RYR2: variants seen among roughly 807,000 people sequenced by gnomAD.
RYR2 encodes cardiac muscle ryanodine receptor-calcium release channel.
Under a neutral mutation model 601.1 loss-of-function variants are expected in RYR2, and 227 were observed. The ratio of observed to expected loss-of-function variants is 0.38; its 90% confidence interval spans 0.34 to 0.42. The LOEUF (loss-of-function observed/expected upper bound fraction) is 0.42. Ranked by LOEUF, RYR2 falls within the 10% of genes least tolerant of loss-of-function variation. The pLI is 1.00. For synonymous variants in RYR2, 2,223 were observed against 2,175.1 expected (o/e 1.02, Z -0.61); for missense variants, 4,646 against 6,156.5 (o/e 0.75, Z 8.21).
At chr1:237,155,130 A>T (rs1014269903) in intron 1 of RYR2, among the ~76,000 whole-genome samples, 15 of 151,758 alleles carry the variant, frequency 9.9e-5, no homozygotes, top group Middle Eastern at 3.2e-3. Context: ...TTAATACATG[A>T]AACCAAGAAC....
chr1:237,261,258 C>A (rs940175431), intron 1 of RYR2, among the ~76,000 whole-genome samples: 1 of 152,178 alleles, frequency 6.6e-6, no homozygotes, highest in African/African-American at 2.4e-5. Context: ...TGCAGTGACC[C>A]CCCTTGGGTA....
At chr1:237,676,893 G>T (rs1685447172) in intron 60 of RYR2, among the ~76,000 whole-genome samples, 1 of 151,962 alleles carries the variant, frequency 6.6e-6, no homozygotes, top group Non-Finnish European at 1.5e-5. Context: ...AGCAGATTTG[G>T]CTGTGTTCAA....
chr1:237,701,853 G>T (rs913789849), intron 65 of RYR2, 125 bp from the exon 66 acceptor site: 4 of 568,478 alleles, frequency 7.0e-6, no homozygotes, highest in African/African-American at 3.8e-5. Flanking sequence ...CAAAAGACAT[G>T]ATTTCATTCT....
chr1:237,747,338 T>A (rs996787216), intron 80 of RYR2, among the ~76,000 whole-genome samples: 1 of 152,236 alleles, frequency 6.6e-6, no homozygotes, highest in Non-Finnish European at 1.5e-5. Context: ...TGTTAAATTC[T>A]AAATATGCCT....
rs927152035 is a variant in RYR2 at position 237,546,527 on chromosome 1, G to A, written c.2907-1904G>A. On this transcript the variant is annotated intron_variant, in intron 25 of 104. Transcript: ENST00000366574. ...GAAGTAGCTGTGATTACAGTTGGGTGCCACCATGCCCAGCTAATTGTTTTG... is the reference window on the plus strand; with the variant it reads ...GAAGTAGCTGTGATTACAGTTGGGTACCACCATGCCCAGCTAATTGTTTTG... 5.3e-5 allele frequency among the ~76,000 whole-genome samples: 8 copies of A among 152,048 alleles called. No individual in the cohort carries two copies. In the East Asian group the frequency reaches 7.8e-4, roughly 15 times the overall value.
At chr1:237,593,785 A>G (rs1675505987) in intron 33 of RYR2, 149 bp downstream of exon 33, 3 of 828,372 alleles carry the variant, frequency 3.6e-6, no homozygotes, top group Non-Finnish European at 3.7e-6. Context: ...CGTTTTTGTT[A>G]TTCATACAAA....
intron 1 of RYR2, among the ~76,000 whole-genome samples, chr1:237,149,193 C>T (rs534862422): frequency 9.9e-5 from 15 of 152,144 alleles, no homozygotes; most frequent in Non-Finnish European, 1.5e-4. Context: ...TGAAAGGTGT[C>T]GCTTATTTTC....
chr1:237,192,990 G>A (rs1680141222), intron 1 of RYR2, among the ~76,000 whole-genome samples: 1 of 151,846 alleles, frequency 6.6e-6, no homozygotes, highest in Non-Finnish European at 1.5e-5. Context: ...CACCTGTTTG[G>A]AGTTTCTCTA....
intron 44 of RYR2, among the ~76,000 whole-genome samples, chr1:237,637,635 T>C (rs967060022): frequency 6.6e-6 from 1 of 152,248 alleles, no homozygotes; most frequent in Admixed American, 6.5e-5. Context: ...CCCCATTAAA[T>C]TGATATATCA....
Position 237,059,345 on chromosome 1 carries a change from C to T in RYR2, c.48+16776C>T, listed in dbSNP as rs941974881. On this transcript the variant is annotated intron_variant, in intron 1 of 104. Coordinates refer to ENST00000366574, the MANE Select transcript of RYR2 (RefSeq NM_001035.3). ...CCCAAACAGAATCTGATAAATAAAT[C>T]AAGGAGAAGGACTTGCAAATCTTTG... Among the ~76,000 whole-genome samples the T allele has an allele frequency of 3.8e-4, 58 of 152,042 alleles. 1 individual carries two copies. The highest frequency in any genetic ancestry group is 1.3e-4 in the Non-Finnish European group (9 of 68,020).
chr1:237,761,162 A>G (rs1693402638), intron 84 of RYR2, 134 bp downstream of exon 84: 3 of 651,756 alleles, frequency 4.6e-6, no homozygotes, highest in Middle Eastern at 3.3e-4. Flanking sequence ...GACTCATTTC[A>G]AAGTTCATAG....
intron 29 of RYR2, among the ~76,000 whole-genome samples, chr1:237,575,494 G>T (rs1238959973): frequency 6.6e-6 from 1 of 152,054 alleles, no homozygotes; most frequent in East Asian, 1.9e-4. Context: ...TTAGTTGGGG[G>T]ACAAGAACAA....
At position 237,639,106 on chromosome 1, in the gene RYR2, G is replaced by T. The variant is rs767884614; in HGVS notation, c.7020G>T (p.Gly2340=). The change falls in exon 46 of 105, where the codon GGG becomes GGT. Residue 2340 remains glycine, a synonymous_variant. Coordinates refer to ENST00000366574, the MANE Select transcript of RYR2 (RefSeq NM_001035.3). ...GTCCTGCTTTGAGAGGAGAAGGTGGGAATGGGCTTCTTGCAGCAATGGAAG... is the reference window on the plus strand; with the variant it reads ...GTCCTGCTTTGAGAGGAGAAGGTGGTAATGGGCTTCTTGCAGCAATGGAAG... ...CFGPALRGEG[G]NGLLAAMEEA... 2.5e-6 allele frequency: 4 copies of T among 1,613,860 alleles called. No homozygotes were observed.
intron 2 of RYR2, among the ~76,000 whole-genome samples, chr1:237,312,059 T>C (rs1469847832): frequency 6.6e-6 from 1 of 152,202 alleles, no homozygotes; most frequent in Non-Finnish European, 1.5e-5. Context: ...ATGAAAATCT[T>C]GAAGAGCTAC....
At chr1:237,513,339 T>C (rs1666100954) in intron 24 of RYR2, among the ~76,000 whole-genome samples, 1 of 152,252 alleles carries the variant, frequency 6.6e-6, no homozygotes, top group Non-Finnish European at 1.5e-5. Context: ...TCACTTATCC[T>C]AATATGTTTT....
At chr1:237,559,258 A>C (rs905655053) in intron 27 of RYR2, among the ~76,000 whole-genome samples, 2 of 152,158 alleles carry the variant, frequency 1.3e-5, no homozygotes, top group African/African-American at 4.8e-5. Context: ...TAAGAACAGC[A>C]ACTAGTGATG....
At chr1:237,587,294 G>T (rs1388189671) in intron 29 of RYR2, among the ~76,000 whole-genome samples, 1 of 151,990 alleles carries the variant, frequency 6.6e-6, no homozygotes, top group African/African-American at 2.4e-5. Flanking sequence ...ATGTTGTTTG[G>T]GCCATTTTAT....
chr1:237,778,443 T>C (rs1464857951), intron 87 of RYR2, among the ~76,000 whole-genome samples: 1 of 152,052 alleles, frequency 6.6e-6, no homozygotes, highest in African/African-American at 2.4e-5. Context: ...TTGAGAAACT[T>C]TTTTTGGAAT....
chr1:237,342,173 A>G (rs1349313652), intron 3 of RYR2, among the ~76,000 whole-genome samples: 1 of 150,366 alleles, frequency 6.7e-6, no homozygotes, highest in Non-Finnish European at 1.5e-5. Context: ...TTTTTGAGTT[A>G]ATTCTTGCTC....
Sources: gnomAD v4.1 joint callset for allele counts (sites outside exome capture counted in the v4.1 genomes callset) on GRCh38, gnomAD v4.1.1 for gene constraint, MANE v1.5 for transcripts, NCBI Gene and HGNC (gene_info 2026-07-23, HGNC 2026-07-21) for gene names.